COL6A5: variants seen among roughly 807,000 people sequenced by gnomAD.
The protein encoded by COL6A5 is collagen alpha-5(VI) chain.
A neutral mutation model predicts 65.6 loss-of-function variants in COL6A5; 48 were observed. The ratio of observed to expected loss-of-function variants is 0.73; its 90% CI spans 0.58 to 0.93. The LOEUF is 0.93. Among genes scored for constraint, COL6A5 ranks in the 40% least tolerant of loss-of-function variants. COL6A5 has a pLI of 0.00. For missense variants in COL6A5, 914 were observed against 928.3 expected, an observed-to-expected ratio of 0.98 and a Z score of 0.20; for synonymous variants, 291 against 322.8, an observed-to-expected ratio of 0.90 and a Z score of 1.05.
At chr3:130,362,326 ATTTTTTTT>A (rs374784717) in intron 1 of COL6A5, among the ~76,000 whole-genome samples, 2 of 4,664 alleles carry the variant, frequency 4.3e-4, no homozygotes, top group South Asian at 0.013. Context: ...ATATATATAT[ATTTTTTTT>A]TTTTTTTTTT....
At chr3:130,431,774 A>G in exon 1 of COL6A5, 1 of 1,551,574 alleles carries the variant, frequency 6.4e-7, no homozygotes, top group Non-Finnish European at 8.7e-7. Context: ...GTGACCCGCA[A>G]CGTGTTCAAG....
At chr3:130,349,003 C>A (rs967890689) in intron 1 of COL6A5, among the ~76,000 whole-genome samples, 1 of 151,904 alleles carries the variant, frequency 6.6e-6, no homozygotes, top group Admixed American at 6.6e-5. Context: ...TTCAAGGAAC[C>A]ATTCTTGTCC....
In COL6A5 at chr3:130,355,660, G is replaced by T. The variant is rs895241644; in HGVS notation, c.-29+9679G>T. ...ATATACCCACACACATAAAGTTAAT[G>T]ATTAATGAAAGGGAAATAGAAAATG... is the stretch of plus-strand genomic sequence containing the variant. On this transcript the variant is annotated intron_variant and NMD_transcript_variant, in intron 1 of 41. Coordinates refer to the COL6A5 transcript ENST00000312481. Among the ~76,000 whole-genome samples the T allele has an allele frequency of 2.6e-5, 4 of 151,708 alleles. No homozygotes were observed. The East Asian group carries it at 5.8e-4, about 22-fold the overall frequency.
At chr3:130,369,525 A>C (rs1310505813) in intron 1 of COL6A5, among the ~76,000 whole-genome samples, 2 of 152,186 alleles carry the variant, frequency 1.3e-5, no homozygotes, top group Admixed American at 6.5e-5. Flanking sequence ...TGCTAAATTA[A>C]GCTTTTTCTC....
chr3:130,426,606 T>C (rs1486236876), upstream of COL6A5, among the ~76,000 whole-genome samples: 1 of 152,032 alleles, frequency 6.6e-6, no homozygotes, highest in Non-Finnish European at 1.5e-5. Flanking sequence ...CCTTCGCTCA[T>C]GAGGGGCAAT....
At chr3:130,370,206 A>T (rs1935502792) in intron 1 of COL6A5, among the ~76,000 whole-genome samples, 1 of 152,138 alleles carries the variant, frequency 6.6e-6, no homozygotes, top group Non-Finnish European at 1.5e-5. Context: ...CCCTACTATT[A>T]TATCTTAGGG....
rs147039479 is a variant in COL6A5 at position 130,394,683 on chromosome 3, T to G, written c.2993-207T>G. On this transcript the variant is annotated intron_variant and NMD_transcript_variant, in intron 7 of 41. Transcript: ENST00000312481. ...TTTTCAAATGGATTGTATAAATAAT[T>G]AAACTTTGAAAAAAACTCCATTATC... Among the ~76,000 whole-genome samples the G allele has an allele frequency of 1.4e-4, 22 of 152,304 alleles. No homozygotes were observed. The East Asian group carries it at 4.2e-3, about 29-fold the overall frequency.
At chr3:130,423,709 C>T in intron 28 of COL6A5, 129 bp from the exon 29 acceptor site, 1 of 599,426 alleles carries the variant, frequency 1.7e-6, no homozygotes, top group Non-Finnish European at 2.9e-6. Context: ...AAGCAATTTA[C>T]CTGACTTCAA....
At chr3:130,461,580 A>G (rs1709701451) in intron 5 of COL6A5, among the ~76,000 whole-genome samples, 1 of 152,078 alleles carries the variant, frequency 6.6e-6, no homozygotes, top group Non-Finnish European at 1.5e-5. Flanking sequence ...ACACAAAAAC[A>G]TGGACTTTTA....
upstream of COL6A5, among the ~76,000 whole-genome samples, chr3:130,429,822 C>T (rs115852266): frequency 6.6e-6 from 1 of 152,178 alleles, no homozygotes; most frequent in Non-Finnish European, 1.5e-5. Flanking sequence ...CAGTTTCTCC[C>T]CAGTGCTGGC....
chr3:130,403,058 C>T (rs894643766), intron 12 of COL6A5, among the ~76,000 whole-genome samples: 2 of 152,158 alleles, frequency 1.3e-5, no homozygotes, highest in South Asian at 2.1e-4. Flanking sequence ...GTATACTGAT[C>T]AGCCAGCTGG....
chr3:130,352,452 G>A (rs1453261), intron 1 of COL6A5, among the ~76,000 whole-genome samples: 1,674 of 152,104 alleles, frequency 0.011, 24 homozygotes, highest in East Asian at 0.057. Flanking sequence ...AAGTACTCTC[G>A]GTGTGAAATT....
intron 20 of COL6A5, among the ~76,000 whole-genome samples, chr3:130,412,975 G>C (rs980876125): frequency 6.6e-6 from 1 of 152,142 alleles, no homozygotes; most frequent in Non-Finnish European, 1.5e-5. Flanking sequence ...TAAGTTAATT[G>C]GTGGTCGAGA....
At chr3:130,353,523 T>C (rs1268079487) in intron 1 of COL6A5, among the ~76,000 whole-genome samples, 1 of 152,122 alleles carries the variant, frequency 6.6e-6, no homozygotes, top group Non-Finnish European at 1.5e-5. Flanking sequence ...ATAAAACTGT[T>C]ACAAAACTAA....
chr3:130,479,419 C>CAAAACAAAAACA (rs10662504), intron 7 of COL6A5, among the ~76,000 whole-genome samples: 1 of 151,230 alleles, frequency 6.6e-6, no homozygotes, highest in Admixed American at 6.6e-5. Flanking sequence ...TTTTATCAGG[C>CAAAACAAAAACA]AAAACAAAAA....
chr3:130,380,741 T>C (rs1935968294), intron 4 of COL6A5, among the ~76,000 whole-genome samples: 1 of 152,102 alleles, frequency 6.6e-6, no homozygotes, highest in Non-Finnish European at 1.5e-5. Flanking sequence ...TTGAACAGTA[T>C]AGGCATAGAC....
chr3:130,483,858 A>T (rs557751749), intron 7 of COL6A5, among the ~76,000 whole-genome samples, 177 bp from the exon 41 acceptor site: 1 of 152,180 alleles, frequency 6.6e-6, no homozygotes, highest in South Asian at 2.1e-4. Context: ...CTCCTTATAC[A>T]TTGCTCATTT....
chr3:130,462,977 GC>G (rs1709734092), intron 5 of COL6A5, among the ~76,000 whole-genome samples: 1 of 151,970 alleles, frequency 6.6e-6, no homozygotes, highest in Non-Finnish European at 1.5e-5. Context: ...TCCTTTCTTA[GC>G]CAACTCATTC....
intron 29 of COL6A5, 43 bp downstream of exon 29, chr3:130,423,943 A>G (rs758415939): frequency 9.1e-5 from 130 of 1,426,174 alleles, no homozygotes; most frequent in Non-Finnish European, 1.2e-4. Context: ...AGTAGTTTCC[A>G]GTATGTTCCA....
Sources: gnomAD v4.1 joint callset for allele counts (sites outside exome capture counted in the v4.1 genomes callset) on GRCh38, gnomAD v4.1.1 for gene constraint, MANE v1.5 for transcripts, NCBI Gene and HGNC (gene_info 2026-07-23, HGNC 2026-07-21) for gene names.